Variants in DEPDC5 observed in about 807,000 individuals in gnomAD.
DEPDC5 encodes DEP domain containing 5, GATOR1 subcomplex subunit, also known as GATOR1 complex protein DEPDC5.
Under a neutral mutation model 217.3 loss-of-function variants are expected in DEPDC5, and 73 were observed. The ratio of observed to expected loss-of-function variants is 0.34; its 90% CI spans 0.28 to 0.41. The LOEUF (loss-of-function observed/expected upper bound fraction) is 0.41. DEPDC5 is among the 10% of genes least tolerant of loss of function. DEPDC5 has a pLI of 1.00. For synonymous variants in DEPDC5, 733 were observed against 756.7 expected, an observed-to-expected ratio of 0.97 and a Z score of 0.51; for missense variants, 1,675 against 2,070.1, an observed-to-expected ratio of 0.81 and a Z score of 3.70.
intron 14 of DEPDC5, among the ~76,000 whole-genome samples, chr22:31,798,994 T>TAACTGCTG (rs1465872093): frequency 6.6e-6 from 1 of 151,962 alleles, no homozygotes; most frequent in African/African-American, 2.4e-5. Flanking sequence ...CATCTTTGTG[T>TAACTGCTG]AACTGCTGTC....
intron 10 of DEPDC5, among the ~76,000 whole-genome samples, chr22:31,785,610 A>G (rs1164941094): frequency 6.6e-6 from 1 of 150,700 alleles, no homozygotes; most frequent in Non-Finnish European, 1.5e-5. Context: ...TTCTGATCCT[A>G]AAATTTATGT....
chr22:31,888,797 C>T (rs925231310), intron 38 of DEPDC5, among the ~76,000 whole-genome samples: 3 of 151,826 alleles, frequency 2.0e-5, no homozygotes, highest in East Asian at 1.9e-4. Context: ...CCTCCCACCT[C>T]GGCCTCCCAA....
intron 12 of DEPDC5, 97 bp downstream of exon 12, chr22:31,792,914 G>T: frequency 9.3e-7 from 1 of 1,073,144 alleles, no homozygotes. Flanking sequence ...GCGAAACCCT[G>T]TCTCTACCAA....
At chr22:31,866,870 A>G (rs1307913679) in intron 33 of DEPDC5, among the ~76,000 whole-genome samples, 1 of 152,224 alleles carries the variant, frequency 6.6e-6, no homozygotes, top group Non-Finnish European at 1.5e-5. Context: ...TAGGTACCTG[A>G]GATCCACACA....
intron 21 of DEPDC5, among the ~76,000 whole-genome samples, chr22:31,818,807 A>G (rs948397837): frequency 2.6e-5 from 4 of 152,230 alleles, no homozygotes; most frequent in Non-Finnish European, 5.9e-5. Context: ...CCAGTAATTT[A>G]GAACCAAAAC....
intron 22 of DEPDC5, 23 bp from the exon 23 acceptor site, chr22:31,821,479 T>A: frequency 6.2e-7 from 1 of 1,613,284 alleles, no homozygotes; most frequent in Non-Finnish European, 8.5e-7. Flanking sequence ...GGAATGATGC[T>A]CAGTGGTTCT....
At position 31,822,706 on chromosome 22, in the gene DEPDC5, C is replaced by T. The variant is rs181347577; in HGVS notation, c.2020C>T (p.Arg674Cys). Residue 674 changes from arginine to cysteine, a missense_variant, in exon 24 of 43, where the codon CGC becomes TGC. Arg to Cys is a radical substitution (Grantham distance 180). Coordinates refer to ENST00000651528, the MANE Select transcript of DEPDC5 (RefSeq NM_001242896.3). Reference protein sequence around the residue: ...HEAAGRHSNSRQPGDGMSFLN... With the variant: ...HEAAGRHSNSCQPGDGMSFLN... ...TGTTCTCTGCAGGCACAGCAATTCCCGCCAGCCTGGTGACGGCATGTCCTT... is the reference window on the plus strand; with the variant it reads ...TGTTCTCTGCAGGCACAGCAATTCCTGCCAGCCTGGTGACGGCATGTCCTT... 2.5e-3 allele frequency: 4,074 copies of T among 1,614,050 alleles called. 8 individuals carry two copies. Among genetic ancestry groups the T allele is most frequent in the Non-Finnish European group, 2.8e-3 (3,343 of 1,179,954 alleles).
At chr22:31,843,911 T>C in intron 29 of DEPDC5, 99 bp downstream of exon 29, 1 of 1,284,826 alleles carries the variant, frequency 7.8e-7, no homozygotes, top group Non-Finnish European at 1.0e-6. Flanking sequence ...TCTCCCTTTT[T>C]CTTTTTTTTT....
intron 38 of DEPDC5, among the ~76,000 whole-genome samples, chr22:31,885,724 C>CAA (rs1172720967): frequency 4.8e-5 from 3 of 62,274 alleles, no homozygotes; most frequent in African/African-American, 1.3e-4. Flanking sequence ...GACTCCATCT[C>CAA]AAAAAAAAAA....
chr22:31,879,136 A>G (rs2093104591), intron 37 of DEPDC5, among the ~76,000 whole-genome samples: 1 of 148,834 alleles, frequency 6.7e-6, no homozygotes. Context: ...ATATACATAT[A>G]TATTTTTAAT....
intron 20 of DEPDC5, among the ~76,000 whole-genome samples, chr22:31,811,792 C>T (rs1166373488): frequency 6.6e-6 from 1 of 151,310 alleles, no homozygotes; most frequent in Non-Finnish European, 1.5e-5. Flanking sequence ...GCCATCCTCC[C>T]GCCTTAGTCT....
rs1008109720 is a variant in DEPDC5 at position 31,787,094 on chromosome 22, AT to A, written c.624+2230del. ...CGTGCCTAGCCTAAAAAGTTTTATAATTTTTTTTTTTGAGACAGGGTCTCAC... is the reference window on the plus strand; with the variant it reads ...CGTGCCTAGCCTAAAAAGTTTTATAATTTTTTTTTTGAGACAGGGTCTCAC... On this transcript the variant is annotated intron_variant, in intron 10 of 42. Transcript: ENST00000651528. 1.4e-4 allele frequency among the ~76,000 whole-genome samples: 20 copies of A among 141,968 alleles called. No homozygotes were observed. In the East Asian group the frequency reaches 1.5e-3, roughly 11 times the overall value. The allele number at this position is 141,968 out of a possible 152,430, so 93.1% of individuals were successfully genotyped here. A position where few individuals can be genotyped will look rare whatever the true frequency, so the allele number is the denominator to read the frequency against.
Position 31,804,156 on chromosome 22 carries a change from T to G in DEPDC5, c.1082-6T>G. The G allele has an allele frequency of 2.5e-6, 4 of 1,614,130 alleles. No individual in the cohort carries two copies. Among genetic ancestry groups the G allele is most frequent in the Non-Finnish European group, 2.5e-6 (3 of 1,179,972 alleles). ...CCACAATTCTTTTTGTCTTTTCTTT[T>G]TTTAGGAATTGGTGTGGATTTGGTG... On this transcript the variant is annotated splice_polypyrimidine_tract_variant and splice_region_variant and intron_variant, in intron 15 of 42. Transcript: ENST00000651528.
At chr22:31,865,037 G>T (rs902808384) in intron 33 of DEPDC5, among the ~76,000 whole-genome samples, 1 of 141,436 alleles carries the variant, frequency 7.1e-6, no homozygotes, top group Non-Finnish European at 1.5e-5. Context: ...TGTTGGCCAC[G>T]CTGGTCTCGA....
chr22:31,754,872 T>A lies in DEPDC5; in HGVS notation c.-50T>A, dbSNP rs1443490023. ...GTATTTCTGTGGCAGGGAGGCAAGA[T>A]GACTTCTCTGCCCCAAGCTTGGAAC... On this transcript the variant is annotated 5_prime_UTR_variant, in exon 2 of 43. An upstream start codon of the reference 5' UTR is lost. Coordinates refer to ENST00000651528, the MANE Select transcript of DEPDC5 (RefSeq NM_001242896.3). 6.2e-7 allele frequency: 1 copy of A among 1,605,466 alleles called. No individual in the cohort carries two copies. The highest frequency in any genetic ancestry group is 8.5e-7 in the Non-Finnish European group (1 of 1,173,742).
intron 14 of DEPDC5, 104 bp downstream of exon 14, chr22:31,798,760 G>T (rs1194828769): frequency 2.2e-5 from 25 of 1,119,210 alleles, no homozygotes; most frequent in Middle Eastern, 2.7e-4. Context: ...CTTGGATCTT[G>T]CAGAAGAAAG....
At chr22:31,843,027 T>G (rs2091491220) in intron 27 of DEPDC5, 68 bp from the exon 28 acceptor site, 14 of 1,177,210 alleles carry the variant, frequency 1.2e-5, no homozygotes, top group Middle Eastern at 2.0e-4. Flanking sequence ...TCTATATGGA[T>G]GAGAAACAAT....
intron 13 of DEPDC5, 63 bp downstream of exon 13, chr22:31,797,766 CAG>C (rs542924676): frequency 4.0e-6 from 5 of 1,258,262 alleles, no homozygotes; most frequent in Non-Finnish European, 5.8e-6. Context: ...GTCTGGGAGA[CAG>C]AGAAGAGATG....
intron 35 of DEPDC5, 31 bp from the exon 36 acceptor site, chr22:31,874,242 C>A: frequency 6.3e-7 from 1 of 1,595,564 alleles, no homozygotes; most frequent in East Asian, 2.3e-5. Context: ...ACACACATCC[C>A]CTGCTCCCCG....
Sources: gnomAD v4.1 joint callset for allele counts (sites outside exome capture counted in the v4.1 genomes callset) on GRCh38, gnomAD v4.1.1 for gene constraint, MANE v1.5 for transcripts, NCBI Gene and HGNC (gene_info 2026-07-23, HGNC 2026-07-21) for gene names.